Variants in PREX1 observed in about 807,000 individuals in gnomAD.
PREX1 encodes phosphatidylinositol-3,4,5-trisphosphate dependent Rac exchange factor 1.
PREX1 carries 41 observed loss-of-function variants against 198.3 expected under a neutral mutation model. The observed-to-expected ratio is 0.21, with a 90% CI of 0.16 to 0.27. PREX1 has a LOEUF of 0.27. Among genes scored for constraint, PREX1 ranks in the 10% least tolerant of loss-of-function variants. PREX1 has a pLI of 1.00. For missense variants in PREX1, 1,620 were observed against 2,200.7 expected, an observed-to-expected ratio of 0.74 and a Z score of 5.28; for synonymous variants, 843 against 887.2, an observed-to-expected ratio of 0.95 and a Z score of 0.89.
intron 5 of PREX1, among the ~76,000 whole-genome samples, chr20:48,718,056 T>G (rs1666015568): frequency 6.6e-6 from 1 of 152,218 alleles, no homozygotes; most frequent in South Asian, 2.1e-4. Flanking sequence ...TCCTCTAGTC[T>G]GCCACAGTTC....
At position 48,625,444 on chromosome 20, in the gene PREX1, A is replaced by T. The variant is rs1466405891; in HGVS notation, c.*441T>A. On this transcript the variant is annotated 3_prime_UTR_variant, in exon 40 of 40. Coordinates refer to ENST00000371941, the MANE Select transcript of PREX1 (RefSeq NM_020820.4). ...CAGGGTTAGGGTGAACCTGGAAGCT[A>T]AGATGAGGAGGAGGAGACACGTGTG... The T allele has an allele frequency of 6.1e-6, 1 of 164,070 alleles. No individual in the cohort carries two copies. Among genetic ancestry groups the T allele is most frequent in the African/African-American group, 2.4e-5 (1 of 41,612 alleles). The allele number at this position is 164,070 out of a possible 1,614,324, so 10.2% of individuals were successfully genotyped here. A position where few individuals can be genotyped will look rare whatever the true frequency, so the allele number is the denominator to read the frequency against.
At chr20:48,754,617 C>G (rs1263201801) in intron 1 of PREX1, among the ~76,000 whole-genome samples, 1 of 147,452 alleles carries the variant, frequency 6.8e-6, no homozygotes, top group Non-Finnish European at 1.5e-5. Context: ...AAGGACACCT[C>G]TGCCGTGGCT....
At chr20:48,632,453 G>T (rs887222797) in intron 34 of PREX1, 43 bp downstream of exon 34, 5 of 1,613,434 alleles carry the variant, frequency 3.1e-6, no homozygotes, top group Non-Finnish European at 4.2e-6. Flanking sequence ...GGTGGCCTTG[G>T]CCCGGCCCCC....
the PREX1 span, among the ~76,000 whole-genome samples, chr20:48,870,088 G>C: frequency 6.6e-6 from 1 of 152,142 alleles, no homozygotes; most frequent in Admixed American, 6.6e-5. Flanking sequence ...AAATGTATCT[G>C]TAACTAAATT....
intron 19 of PREX1, among the ~76,000 whole-genome samples, chr20:48,654,723 T>G (rs1601048520): frequency 6.6e-6 from 1 of 152,168 alleles, no homozygotes; most frequent in East Asian, 1.9e-4. Flanking sequence ...AGTGAAAAAT[T>G]TATGTTTAAA....
At chr20:48,876,155 T>A in the PREX1 span, among the ~76,000 whole-genome samples, 2 of 152,120 alleles carry the variant, frequency 1.3e-5, no homozygotes, top group African/African-American at 4.8e-5. Context: ...AGGTGGCAGA[T>A]GGGGGTGATA....
chr20:48,882,644 T>C, the PREX1 span, among the ~76,000 whole-genome samples: 1 of 152,092 alleles, frequency 6.6e-6, no homozygotes, highest in African/African-American at 2.4e-5. Flanking sequence ...GCTTAATATT[T>C]TGAGGAACTG....
At chr20:48,646,563 T>C (rs79315640) in intron 25 of PREX1, among the ~76,000 whole-genome samples, 25,191 of 151,308 alleles carry the variant, frequency 0.17, 2,314 homozygotes, top group Middle Eastern at 0.29. Context: ...TGGTGGCGGG[T>C]GCCTGTAATC....
intron 1 of PREX1, among the ~76,000 whole-genome samples, chr20:48,787,262 A>G (rs1376718003): frequency 6.6e-6 from 1 of 152,080 alleles, no homozygotes; most frequent in African/African-American, 2.4e-5. Flanking sequence ...GCTTCCCCCG[A>G]TCCCAGGACG....
the PREX1 span, among the ~76,000 whole-genome samples, chr20:48,838,408 C>T: frequency 2.0e-5 from 3 of 152,162 alleles, no homozygotes; most frequent in African/African-American, 7.2e-5. Flanking sequence ...AAAAGAATCA[C>T]ACATTCAGAC....
Position 48,636,598 on chromosome 20 carries a change from C to G in PREX1, c.4032G>C (p.Ala1344=). The part of the protein sequence containing the change: ...AVCTFSKQLL[A]ALGYRYNNNG... ...TGTTGTTGTAGCGGTAGCCCAGGGC[C>G]GCCAGCAGCTGCTTGGAGAAGGTGC... The change falls in exon 32 of 40, where the codon GCG becomes GCC. Residue 1344 remains alanine (A), a synonymous_variant. Transcript: ENST00000371941. The G allele has an allele frequency of 6.2e-7, 1 of 1,611,776 alleles. No homozygotes were observed. The highest frequency in any genetic ancestry group is 1.1e-5 in the South Asian group (1 of 91,022).
At chr20:48,752,723 C>T (rs2090139554) in intron 1 of PREX1, among the ~76,000 whole-genome samples, 1 of 152,188 alleles carries the variant, frequency 6.6e-6, no homozygotes, top group Admixed American at 6.5e-5. Flanking sequence ...GCCTCACTCC[C>T]CCACTCTCCT....
chr20:48,826,342 C>T (rs565205661), intron 1 of PREX1, among the ~76,000 whole-genome samples: 1 of 152,170 alleles, frequency 6.6e-6, no homozygotes, highest in African/African-American at 2.4e-5. Flanking sequence ...CGTCCCACCC[C>T]CTCCACCCGC....
chr20:48,854,129 G>T, the PREX1 span, among the ~76,000 whole-genome samples: 1 of 152,174 alleles, frequency 6.6e-6, no homozygotes, highest in Non-Finnish European at 1.5e-5. Flanking sequence ...TGAGTCACAC[G>T]CAGGCCGAGG....
the PREX1 span, among the ~76,000 whole-genome samples, chr20:48,845,560 G>A: frequency 1.3e-5 from 2 of 152,106 alleles, no homozygotes; most frequent in African/African-American, 4.8e-5. Flanking sequence ...AAATTAGCCA[G>A]GTGTGATGGT....
Position 48,747,891 on chromosome 20 carries a change from G to T in PREX1, c.220-11C>A. ...GCGATGCAGGAATGCCTGGAGGAGA[G>T]AAGCAGAGAGAGGTGAGTGTCCGCG... On this transcript the variant is annotated splice_polypyrimidine_tract_variant and intron_variant, in intron 1 of 39. Coordinates refer to ENST00000371941, the MANE Select transcript of PREX1 (RefSeq NM_020820.4). The T allele has an allele frequency of 6.2e-7, 1 of 1,610,046 alleles. No individual in the cohort carries two copies.
chr20:48,701,906 T>C (rs6066820), intron 6 of PREX1, among the ~76,000 whole-genome samples: 10,578 of 152,132 alleles, frequency 0.07, 418 homozygotes, highest in South Asian at 0.14. Flanking sequence ...GAGCAGACCT[T>C]GGAAGACAAA....
chr20:48,659,881 C>A (rs1377946795), intron 16 of PREX1, 38 bp downstream of exon 16: 1 of 1,612,632 alleles, frequency 6.2e-7, no homozygotes, highest in East Asian at 2.2e-5. Context: ...GCAGGGGGCT[C>A]TGGCAAGGAA....
intron 1 of PREX1, among the ~76,000 whole-genome samples, chr20:48,766,778 CCA>C (rs1411946981): frequency 1.3e-5 from 2 of 152,186 alleles, no homozygotes; most frequent in Non-Finnish European, 2.9e-5. Flanking sequence ...CCACTTAGTC[CCA>C]GTTTCCATCT....
Sources: allele counts gnomAD v4.1 joint callset (sites outside exome capture counted in the v4.1 genomes callset), GRCh38; gene constraint gnomAD v4.1.1; transcripts MANE v1.5; gene names NCBI Gene and HGNC (gene_info 2026-07-23, HGNC 2026-07-21).